The following SLTM variants were observed in gnomAD, a reference collection of about 807,000 sequenced individuals.
SLTM encodes the protein SAFB-like transcription modulator.
SLTM carries 43 observed loss-of-function variants against 134.6 expected under a neutral mutation model. The ratio of observed to expected loss-of-function variants is 0.32; its 90% CI spans 0.25 to 0.41. The LOEUF (loss-of-function observed/expected upper bound fraction) is 0.41, where lower values mean the gene tolerates loss of function less well. Among genes scored for constraint, SLTM ranks in the 10% least tolerant of loss-of-function variants. The pLI is 1.00. For missense variants in SLTM, 1,055 were observed against 1,288.8 expected, an observed-to-expected ratio of 0.82 and a Z score of 2.78; for synonymous variants, 424 against 432.3, an observed-to-expected ratio of 0.98 and a Z score of 0.24.
intron 2 of SLTM, among the ~76,000 whole-genome samples, chr15:58,917,688 A>G (rs2036742037): frequency 6.6e-6 from 1 of 152,244 alleles, no homozygotes; most frequent in Admixed American, 6.5e-5. Flanking sequence ...GACAAACTAC[A>G]GACCTTCTTT....
At chr15:58,912,843 G>C (rs1253483696) in intron 4 of SLTM, 1 of 454,114 alleles carries the variant, frequency 2.2e-6, no homozygotes, top group Non-Finnish European at 4.0e-6. Flanking sequence ...TATTAGGGTA[G>C]GTAGAAGGGA....
chr15:58,881,881 G>A (rs908058507), intron 20 of SLTM, among the ~76,000 whole-genome samples: 5 of 151,866 alleles, frequency 3.3e-5, no homozygotes, highest in Admixed American at 2.0e-4. Context: ...ACAGGCATGA[G>A]CCACTGTGCC....
At chr15:58,895,737 T>C (rs1198595241) in intron 9 of SLTM, among the ~76,000 whole-genome samples, 1 of 152,208 alleles carries the variant, frequency 6.6e-6, no homozygotes, top group Non-Finnish European at 1.5e-5. Flanking sequence ...CAATACATTA[T>C]TGAAAACAGA....
intron 5 of SLTM, among the ~76,000 whole-genome samples, chr15:58,912,011 A>G (rs1595900667): frequency 6.6e-6 from 1 of 152,222 alleles, no homozygotes; most frequent in East Asian, 1.9e-4. Flanking sequence ...TACAGAAAGG[A>G]TGGACTTTTT....
intron 2 of SLTM, among the ~76,000 whole-genome samples, chr15:58,928,766 A>G (rs760402377): frequency 1.3e-5 from 2 of 152,182 alleles, no homozygotes; most frequent in Non-Finnish European, 2.9e-5. Context: ...TAATATTGTC[A>G]TAAGAATCAT....
chr15:58,932,154 T>C, intron 2 of SLTM: 1 of 501,606 alleles, frequency 2.0e-6, no homozygotes, highest in Non-Finnish European at 3.6e-6. Flanking sequence ...TCTCACTTTC[T>C]AATCAGCTTC....
intron 3 of SLTM, 59 bp downstream of exon 3, chr15:58,916,876 C>T: frequency 6.7e-7 from 1 of 1,492,560 alleles, no homozygotes; most frequent in Non-Finnish European, 9.3e-7. Flanking sequence ...GCACAAAATT[C>T]ATGATGCAAA....
chr15:58,933,322 C>G, intron 1 of SLTM, 82 bp downstream of exon 1: 1 of 1,444,192 alleles, frequency 6.9e-7, no homozygotes, highest in Non-Finnish European at 9.2e-7. Context: ...TGCGGGCAGC[C>G]GGAGGCTGCG....
At position 58,893,929 on chromosome 15, in the gene SLTM, C is replaced by A; in HGVS notation, c.1540G>T (p.Glu514Ter). Residue 514 changes from glutamate (E) to a stop codon, truncating the protein, a stop_gained, in exon 12 of 21, where the codon GAA becomes TAA. Coordinates refer to ENST00000380516, the MANE Select transcript of SLTM (RefSeq NM_024755.4). LOFTEE classifies it high-confidence loss of function. The stretch of plus-strand genomic sequence containing the variant: ...TCTATTTTCTTAGTATCCTTGCTTT[C>A]TTTTTTTTCAGATTTCTCAGACGAT... ...KRSSEKSEKK[E>*]SKDTKKIEGK... The A allele has an allele frequency of 6.2e-7, 1 of 1,612,100 alleles. No individual in the cohort carries two copies. The highest frequency in any genetic ancestry group is 8.5e-7 in the Non-Finnish European group (1 of 1,179,492).
At chr15:58,881,041 G>A (rs575462355) in intron 20 of SLTM, among the ~76,000 whole-genome samples, 43 of 152,154 alleles carry the variant, frequency 2.8e-4, no homozygotes, top group African/African-American at 9.1e-4. Flanking sequence ...TTAACAGGCC[G>A]GGCGCAGTGG....
chr15:58,886,433 A>G (rs1368853037), intron 19 of SLTM, among the ~76,000 whole-genome samples: 1 of 151,862 alleles, frequency 6.6e-6, no homozygotes, highest in Non-Finnish European at 1.5e-5. Context: ...CGCCCGGCTA[A>G]TTTTTGTATT....
chr15:58,887,056 A>C lies in SLTM; in HGVS notation c.2754T>G (p.Pro918=). The change falls in exon 19 of 21, where the codon CCT becomes CCG. Residue 918 remains proline (P), a synonymous_variant. Transcript: ENST00000380516. ...ACCCCGAAGCGCTGCTACGATTCCC[A>C]GGGGGAGCGCCTCTCACACTGTGCC... ...VSGHSVRGAP[P]GNRSSASGYG... The C allele has an allele frequency of 6.2e-7, 1 of 1,613,856 alleles. No individual in the cohort carries two copies. Among genetic ancestry groups the C allele is most frequent in the Non-Finnish European group, 8.5e-7 (1 of 1,180,024 alleles).
intron 3 of SLTM, among the ~76,000 whole-genome samples, chr15:58,915,308 T>A (rs1197835641): frequency 1.3e-5 from 2 of 152,252 alleles, no homozygotes; most frequent in Non-Finnish European, 2.9e-5. Context: ...TTGTGGCACA[T>A]ATAAGAGACA....
chr15:58,913,398 T>C, intron 4 of SLTM, 101 bp downstream of exon 4: 3 of 1,002,330 alleles, frequency 3.0e-6, no homozygotes, highest in Non-Finnish European at 2.8e-6. Flanking sequence ...ACACATCTTT[T>C]AAAAATTCTG....
At chr15:58,889,368 G>C in intron 16 of SLTM, 62 bp downstream of exon 16, 1 of 1,595,450 alleles carries the variant, frequency 6.3e-7, no homozygotes, top group East Asian at 2.3e-5. Flanking sequence ...TAATTCTCTA[G>C]TCTTAGCCTA....
intron 5 of SLTM, among the ~76,000 whole-genome samples, chr15:58,908,228 CTT>C: frequency 6.6e-6 from 1 of 150,850 alleles, no homozygotes; most frequent in Non-Finnish European, 1.5e-5. Context: ...ACCCAGCTAA[CTT>C]TTGTATTTTT....
Position 58,879,875 on chromosome 15 carries a change from A to T in SLTM, c.*124T>A. 1 of 1,201,446 alleles carries T rather than the reference A, an allele frequency of 8.3e-7. No individual in the cohort carries two copies. Among genetic ancestry groups the T allele is most frequent in the Non-Finnish European group, 1.1e-6 (1 of 899,644 alleles). The allele number at this position is 1,201,446 out of a possible 1,614,324, so 74.4% of individuals were successfully genotyped here. The stretch of plus-strand genomic sequence containing the variant: ...AAATTGAGAAAAGCAATCATGTTAA[A>T]TTTTTAAAAAGAAAAGTCTGACAGA... On this transcript the variant is annotated 3_prime_UTR_variant, in exon 21 of 21. Coordinates refer to ENST00000380516, the MANE Select transcript of SLTM (RefSeq NM_024755.4).
intron 2 of SLTM, chr15:58,932,008 G>A (rs2141265727): frequency 5.8e-6 from 1 of 172,624 alleles, no homozygotes; most frequent in Middle Eastern, 2.7e-3. Context: ...GATTTGGTAG[G>A]AATTCCATCA....
chr15:58,903,219 G>A (rs1157139636), intron 5 of SLTM, among the ~76,000 whole-genome samples: 1 of 152,082 alleles, frequency 6.6e-6, no homozygotes, highest in Non-Finnish European at 1.5e-5. Flanking sequence ...ATTTTTAGTA[G>A]AGACGGGGTT....
Sources: gnomAD v4.1 joint callset for allele counts (sites outside exome capture counted in the v4.1 genomes callset) on GRCh38, gnomAD v4.1.1 for gene constraint, MANE v1.5 for transcripts, NCBI Gene and HGNC (gene_info 2026-07-23, HGNC 2026-07-21) for gene names.